PFKFB3: variants seen among roughly 807,000 people sequenced by gnomAD.
The protein encoded by PFKFB3 is 6-phosphofructo-2-kinase/fructose-2,6-biphosphatase 3, also known as 6-phosphofructo-2-kinase/fructose-2,6-bisphosphatase 3.
A neutral mutation model predicts 68.0 loss-of-function variants in PFKFB3; 33 were observed. That is an observed-to-expected ratio of 0.49 (90% CI 0.37 to 0.65). PFKFB3 has a LOEUF of 0.65. PFKFB3 is among the 30% of genes least tolerant of loss of function. The pLI is 0.00. For synonymous variants in PFKFB3, 315 were observed against 288.2 expected (o/e 1.09, Z -0.94); for missense variants, 586 against 712.2 (o/e 0.82, Z 2.02).
Position 6,229,107 on chromosome 10 carries a change from A to C in PFKFB3, c.1515+2742A>C. 2 of 528,526 alleles carry C rather than the reference A, an allele frequency of 3.8e-6. No individual in the cohort carries two copies. Among genetic ancestry groups the C allele is most frequent in the Non-Finnish European group, 7.8e-6 (2 of 257,966 alleles). The allele number at this position is 528,526 out of a possible 1,614,324, so 32.7% of individuals were successfully genotyped here. A position where few individuals can be genotyped will look rare whatever the true frequency, so the allele number is the denominator to read the frequency against. Reference sequence around the variant, plus strand: ...TTAAGTTACCTTAACTACTTTATGCAGAAACTGGAAAGGTGTGATGAGGAA... The same window carrying C: ...TTAAGTTACCTTAACTACTTTATGCCGAAACTGGAAAGGTGTGATGAGGAA... On this transcript the variant is annotated intron_variant, in intron 14 of 14. Coordinates refer to ENST00000379775, the MANE Select transcript of PFKFB3 (RefSeq NM_004566.4). This position sits in a 1 kb window ranked among gnomAD's most constrained non-coding sequence, Gnocchi z 4.3.
At chr10:6,184,216 T>C (rs182634532) in intron 1 of PFKFB3, among the ~76,000 whole-genome samples, 1 of 150,866 alleles carries the variant, frequency 6.6e-6, no homozygotes, top group Non-Finnish European at 1.5e-5. Flanking sequence ...CCACGCCCGG[T>C]TAATTTTTGT....
the PFKFB3 span, among the ~76,000 whole-genome samples, chr10:6,315,343 A>T: frequency 6.6e-6 from 1 of 152,210 alleles, no homozygotes; most frequent in African/African-American, 2.4e-5. Flanking sequence ...GCAAGAAGGA[A>T]TTCAGGACGA....
chr10:6,235,754 ATTTTTTTCT>A (rs1204521738), downstream of PFKFB3, among the ~76,000 whole-genome samples: 4 of 143,882 alleles, frequency 2.8e-5, no homozygotes, highest in Non-Finnish European at 4.5e-5. Context: ...TTTTAATTTA[ATTTTTTTCT>A]TTTTTTTCTT....
chr10:6,179,532 C>G (rs780110306), intron 1 of PFKFB3, among the ~76,000 whole-genome samples: 2 of 152,278 alleles, frequency 1.3e-5, no homozygotes, highest in South Asian at 4.2e-4. Flanking sequence ...GCGAGCCCCC[C>G]GGGAATGAAC....
the PFKFB3 span, among the ~76,000 whole-genome samples, chr10:6,316,837 C>G: frequency 1.3e-5 from 2 of 152,268 alleles, no homozygotes; most frequent in East Asian, 3.9e-4. Context: ...TCTACCTTTG[C>G]TCTGGAACTC....
chr10:6,247,131 C>T (rs1306872945), intron 14 of PFKFB3, among the ~76,000 whole-genome samples: 2 of 152,112 alleles, frequency 1.3e-5, no homozygotes, highest in African/African-American at 4.8e-5. Context: ...TCTTCATTCT[C>T]GGCTTGGCTA....
intron 14 of PFKFB3, among the ~76,000 whole-genome samples, chr10:6,241,937 C>T (rs1208822898): frequency 6.6e-6 from 1 of 151,506 alleles, no homozygotes; most frequent in Non-Finnish European, 1.5e-5. Flanking sequence ...CCTCTAACAC[C>T]TGGGCTCAAG....
At chr10:6,231,923 G>A (rs1029380331) in intron 14 of PFKFB3, among the ~76,000 whole-genome samples, 17 of 151,988 alleles carry the variant, frequency 1.1e-4, no homozygotes, top group Non-Finnish European at 1.9e-4. Context: ...CCATCACCTG[G>A]GTTCCTGAGT....
At chr10:6,254,633 C>A (rs2132085080) in exon 15 of PFKFB3, 1 of 303,764 alleles carries the variant, frequency 3.3e-6, no homozygotes, top group East Asian at 5.2e-5. Flanking sequence ...CAATAAATTA[C>A]ATGAGATATT....
At chr10:6,147,871 T>C (rs1029960403) in intron 1 of PFKFB3, among the ~76,000 whole-genome samples, 1 of 149,770 alleles carries the variant, frequency 6.7e-6, no homozygotes, top group African/African-American at 2.6e-5. Flanking sequence ...GGGAGTCTGC[T>C]GGGACACAGA....
downstream of PFKFB3, among the ~76,000 whole-genome samples, chr10:6,235,892 T>G (rs10795916): frequency 0.54 from 81,168 of 151,202 alleles, 22,699 homozygotes; most frequent in Middle Eastern, 0.68. Context: ...TTAGCCTCCC[T>G]AGTAGCTGGG....
the PFKFB3 span, among the ~76,000 whole-genome samples, chr10:6,326,392 C>T: frequency 2.0e-5 from 3 of 152,086 alleles, no homozygotes; most frequent in South Asian, 2.1e-4. Context: ...CCATGGCACA[C>T]GTTTACCTAT....
chr10:6,297,405 G>A, the PFKFB3 span, among the ~76,000 whole-genome samples: 1 of 152,200 alleles, frequency 6.6e-6, no homozygotes, highest in African/African-American at 2.4e-5. Flanking sequence ...CCACATCCGT[G>A]AGCACTTTGT....
intron 1 of PFKFB3, among the ~76,000 whole-genome samples, chr10:6,209,827 T>TGA (rs889089734): frequency 1.4e-4 from 20 of 144,964 alleles, no homozygotes; most frequent in African/African-American, 4.9e-4. Flanking sequence ...TGCAGTGGCG[T>TGA]GACCTTGGCT....
At chr10:6,316,060 A>G in the PFKFB3 span, among the ~76,000 whole-genome samples, 4 of 152,360 alleles carry the variant, frequency 2.6e-5, no homozygotes, top group East Asian at 7.7e-4. Flanking sequence ...ATAGTGGAAT[A>G]CAGAAAAAGG....
intron 1 of PFKFB3, among the ~76,000 whole-genome samples, chr10:6,151,843 A>G (rs1841598199): frequency 6.6e-6 from 1 of 152,130 alleles, no homozygotes; most frequent in Admixed American, 6.5e-5. Context: ...CCTCAGTGCC[A>G]CAGTGCTGTG....
intron 1 of PFKFB3, chr10:6,146,298 A>G: frequency 3.3e-6 from 5 of 1,502,310 alleles, no homozygotes; most frequent in Non-Finnish European, 4.4e-6. Flanking sequence ...TTTTTCAAAC[A>G]GAGGGTGCCT....
intron 1 of PFKFB3, among the ~76,000 whole-genome samples, chr10:6,188,959 C>T (rs914859984): frequency 2.7e-4 from 41 of 151,704 alleles, no homozygotes; most frequent in Non-Finnish European, 5.0e-4. Context: ...CTCAGCCTCC[C>T]GAGTAGCTGG....
At chr10:6,172,886 C>T (rs1419873362) in intron 1 of PFKFB3, among the ~76,000 whole-genome samples, 1 of 152,096 alleles carries the variant, frequency 6.6e-6, no homozygotes, top group Non-Finnish European at 1.5e-5. Context: ...GCTAGATGTT[C>T]CTGTGACTGC....
Sources: allele counts gnomAD v4.1 joint callset (sites outside exome capture counted in the v4.1 genomes callset), GRCh38; gene constraint gnomAD v4.1.1; non-coding constraint Gnocchi (gnomAD v3.1); transcripts MANE v1.5; gene names NCBI Gene and HGNC (gene_info 2026-07-23, HGNC 2026-07-21).